CLEC4M: variants seen among roughly 807,000 people sequenced by gnomAD.
The protein encoded by CLEC4M is C-type lectin domain family 4 member M.
Under a neutral mutation model 39.1 loss-of-function variants are expected in CLEC4M, and 25 were observed. The ratio of observed to expected loss-of-function variants is 0.64; its 90% confidence interval spans 0.47 to 0.89. The LOEUF (loss-of-function observed/expected upper bound fraction) is 0.89. Among genes scored for constraint, CLEC4M ranks in the 40% least tolerant of loss-of-function variants. The pLI is 0.00. For synonymous variants in CLEC4M, 155 were observed against 177.4 expected, an observed-to-expected ratio of 0.87 and a Z score of 1.00; for missense variants, 353 against 431.4, an observed-to-expected ratio of 0.82 and a Z score of 1.61.
Position 7,765,665 on chromosome 19 carries a change from A to G in CLEC4M, c.242A>G (p.Gln81Arg), listed in dbSNP as rs186240708. The change falls in exon 4 of 7, where the codon CAG becomes CGG. Residue 81 changes from glutamine (Q) to arginine (R), a missense_variant. By Grantham distance (43) the Gln-to-Arg change is conservative. Around this residue, in one of 4 missense-constraint regions of CLEC4M, gnomAD observed 48 missense variants for 64.8 expected, o/e 0.74. Transcript: ENST00000327325. ...QVSKVPSSLS[Q>R]EQSEQDAIYQ... ...TCCAAGGTCCCCAGCTCCCTAAGTC[A>G]GGAACAATCCGAGCAAGACGCAATC... 3.3e-5 allele frequency: 53 copies of G among 1,614,270 alleles called. No individual in the cohort carries two copies. Among genetic ancestry groups the G allele is most frequent in the Non-Finnish European group, 4.5e-5 (53 of 1,180,058 alleles).
Position 7,769,089 on chromosome 19 carries a change from CCT to C in CLEC4M, c.*102_*103del. 8.0e-7 allele frequency: 1 copy of C among 1,244,438 alleles called. No individual in the cohort carries two copies. The highest frequency in any genetic ancestry group is 1.1e-6 in the Non-Finnish European group (1 of 886,512). 77.1% of individuals were successfully genotyped at this position (1,244,438 alleles called of 1,614,324 possible). Reference sequence around the variant, plus strand: ...TCCATCCTTGGACCTTCACAAATGCCCTGAGACGGTTCTCTGTTCGATTTTTC... The same window carrying C: ...TCCATCCTTGGACCTTCACAAATGCCGAGACGGTTCTCTGTTCGATTTTTC... On this transcript the variant is annotated 3_prime_UTR_variant, in exon 7 of 7. Transcript: ENST00000327325.
intron 2 of CLEC4M, 112 bp downstream of exon 2, chr19:7,763,588 G>A (rs1273785976): frequency 8.1e-6 from 7 of 859,816 alleles, no homozygotes; most frequent in South Asian, 3.3e-5. Context: ...AGGAAGGTCT[G>A]AGACCTGGGT....
At chr19:7,768,767 A>G (rs141958280) in intron 6 of CLEC4M, 71 bp from the exon 7 acceptor site, 4 of 1,548,220 alleles carry the variant, frequency 2.6e-6, no homozygotes, top group Non-Finnish European at 3.5e-6. Flanking sequence ...AAGCATCAAT[A>G]TTACAGAAGG....
rs35064548 is a variant in CLEC4M at position 7,763,429 on chromosome 19, C to G, written c.83C>G (p.Pro28Arg). 2.4e-4 allele frequency: 393 copies of G among 1,614,064 alleles called. No individual in the cohort carries two copies. The African/African-American group carries it at 4.7e-3, about 19-fold the overall frequency. ...ACAACCAGTGGCATCAGACTTTTTC[C>G]AAGAGACTTTCAATTCCAGCAGATA... The part of the protein sequence containing the change: ...DPTTSGIRLF[P>R]RDFQFQQIHG... The change falls in exon 2 of 7, where the codon CCA becomes CGA. Residue 28 changes from proline to arginine, a missense_variant. Pro to Arg is a moderately radical substitution (Grantham distance 103). This residue lies in a region of CLEC4M where 91 missense variants were observed against 77.8 expected (regional missense o/e 1.17). Transcript: ENST00000327325.
Position 7,766,204 on chromosome 19 carries a change from T to C in CLEC4M, c.781T>C (p.Phe261Leu), listed in dbSNP as rs1461613477. 2 of 1,614,122 alleles carry C rather than the reference T, an allele frequency of 1.2e-6. No homozygotes were observed. The highest frequency in any genetic ancestry group is 3.3e-5 in the Admixed American group (2 of 60,020). The stretch of plus-strand genomic sequence containing the variant: ...AGAACTGACCGATTTGAAGACTGCA[T>C]TTGGTGAGTTCCTGCACATCAAGGG... ...YQELTDLKTA[F>L]ERLCRHCPKD... The change falls in exon 4 of 7, where the codon TTT becomes CTT. Residue 261 changes from phenylalanine to leucine, a missense_variant. Coordinates refer to ENST00000327325, the MANE Select transcript of CLEC4M (RefSeq NM_014257.5).
chr19:7,766,864 G>A (rs1238313223), intron 5 of CLEC4M, 57 bp downstream of exon 5: 10 of 1,611,812 alleles, frequency 6.2e-6, no homozygotes, highest in Non-Finnish European at 5.9e-6. Context: ...GCCAACTGGG[G>A]AGGAGGTGCT....
rs750191741 is a variant in CLEC4M at position 7,765,398 on chromosome 19, G to A, written c.214+130G>A. The A allele has an allele frequency of 3.4e-6, 4 of 1,179,540 alleles. No homozygotes were observed. In the East Asian group the frequency reaches 7.3e-5, roughly 21 times the overall value. The allele number at this position is 1,179,540 out of a possible 1,614,324, so 73.1% of individuals were successfully genotyped here. On this transcript the variant is annotated intron_variant, in intron 3 of 6. Transcript: ENST00000327325. ...AGATGTTGTCCCTGGGGGTCTGTAG[G>A]GGCCTCTCCCACAGCCCCTCCCCAC... is the stretch of plus-strand genomic sequence containing the variant.
In CLEC4M at chr19:7,763,378, T is replaced by C. The variant is rs1197169003; in HGVS notation, c.47-15T>C. The C allele has an allele frequency of 7.4e-6, 12 of 1,613,570 alleles. No homozygotes were observed. The highest frequency in any genetic ancestry group is 6.7e-5 in the Admixed American group (4 of 59,960). ...AGGGATGGCCCAGGCTCTGAGCTGA[T>C]GTCTGTCAATTCAGAAGAAGATCCA... On this transcript the variant is annotated splice_polypyrimidine_tract_variant and intron_variant, in intron 1 of 6. Coordinates refer to ENST00000327325, the MANE Select transcript of CLEC4M (RefSeq NM_014257.5).
rs768446774 is a variant in CLEC4M, at chr19:7,766,124, T to C, written c.701T>C (p.Leu234Pro). ...LQEIYQELTQLKAAVGELPDQ... is the reference protein window; with the variant it reads ...LQEIYQELTQPKAAVGELPDQ... ...GAGATCTACCAGGAGCTGACCCAGC[T>C]GAAGGCTGCAGTGGGTGAGTTGCCA... The change falls in exon 4 of 7, where the codon CTG (leucine) becomes CCG (proline). Residue 234 changes from leucine (L) to proline (P), a missense_variant. Leu to Pro is a moderately conservative substitution (Grantham distance 98, BLOSUM62 -3). Coordinates refer to ENST00000327325, the MANE Select transcript of CLEC4M (RefSeq NM_014257.5). 1 of 1,613,820 alleles carries C rather than the reference T, an allele frequency of 6.2e-7. No individual in the cohort carries two copies. The highest frequency in any genetic ancestry group is 2.2e-5 in the East Asian group (1 of 44,900).
chr19:7,763,575 G>A (rs2090499356), intron 2 of CLEC4M, 99 bp downstream of exon 2: 4 of 1,022,948 alleles, frequency 3.9e-6, no homozygotes, highest in Admixed American at 4.5e-5. Flanking sequence ...TGGGTTCTGG[G>A]GAAGGAAGGT....
At chr19:7,765,406 C>T in intron 3 of CLEC4M, 138 bp downstream of exon 3, 2 of 1,133,380 alleles carry the variant, frequency 1.8e-6, no homozygotes, top group Non-Finnish European at 2.5e-6. Context: ...AGGGGCCTCT[C>T]CCACAGCCCC....
chr19:7,764,798 C>T (rs940771543), intron 2 of CLEC4M, among the ~76,000 whole-genome samples: 3 of 152,142 alleles, frequency 2.0e-5, no homozygotes, highest in African/African-American at 7.2e-5. Context: ...GCCAAAAAGG[C>T]AGTTAATTTT....
At chr19:7,765,497 T>A (rs1013822695) in intron 3 of CLEC4M, 141 bp from the exon 4 acceptor site, 24 of 1,394,710 alleles carry the variant, frequency 1.7e-5, no homozygotes, top group Non-Finnish European at 2.2e-5. Flanking sequence ...TGCTGCCTTC[T>A]CCAGGTGTCA....
At chr19:7,764,957 G>A (rs1292498229) in intron 2 of CLEC4M, among the ~76,000 whole-genome samples, 2 of 152,126 alleles carry the variant, frequency 1.3e-5, no homozygotes, top group African/African-American at 4.8e-5. Context: ...GACCTGGGGA[G>A]GTGGGGGTTG....
In CLEC4M at chr19:7,766,747, C is replaced by T. The variant is rs558337989; in HGVS notation, c.876C>T (p.Ser292=). 26 of 1,614,214 alleles carry T rather than the reference C, an allele frequency of 1.6e-5. No individual in the cohort carries two copies. The highest frequency in any genetic ancestry group is 1.6e-4 in the Middle Eastern group (1 of 6,062). Residue 292 remains serine, a synonymous_variant, in exon 5 of 7, where the codon TCC becomes TCT. Coordinates refer to ENST00000327325, the MANE Select transcript of CLEC4M (RefSeq NM_014257.5). ...ACTCCCAGCGGAACTGGCACGACTCCGTCACCGCCTGCCAGGAAGTGAGGG... is the reference window on the plus strand; with the variant it reads ...ACTCCCAGCGGAACTGGCACGACTCTGTCACCGCCTGCCAGGAAGTGAGGG... ...MSNSQRNWHD[S]VTACQEVRAQ...
Position 7,766,775 on chromosome 19 carries a change from C to G in CLEC4M, c.904C>G (p.Gln302Glu). The G allele has an allele frequency of 3.1e-6, 5 of 1,614,194 alleles. No homozygotes were observed. The highest frequency in any genetic ancestry group is 4.2e-6 in the Non-Finnish European group (5 of 1,180,036). ...CACCGCCTGCCAGGAAGTGAGGGCC[C>G]AGCTCGTCGTAATCAAAACTGCTGA... ...SVTACQEVRA[Q>E]LVVIKTAEEQ... Residue 302 changes from glutamine to glutamate, a missense_variant, in exon 5 of 7, where the codon CAG becomes GAG. Gln to Glu is a conservative substitution (Grantham distance 29). Coordinates refer to ENST00000327325, the MANE Select transcript of CLEC4M (RefSeq NM_014257.5).
Position 7,766,224 on chromosome 19 carries a change from C to T in CLEC4M, c.784+17C>T, listed in dbSNP as rs372432711. On this transcript the variant is annotated intron_variant, in intron 4 of 6. Transcript: ENST00000327325. ...CTGCATTTGGTGAGTTCCTGCACAT[C>T]AAGGGTCCTTGGGCCTGAGATGGTC... 11 of 1,613,406 alleles carry T rather than the reference C, an allele frequency of 6.8e-6. No individual in the cohort carries two copies. The highest frequency in any genetic ancestry group is 8.5e-6 in the Non-Finnish European group (10 of 1,179,604).
rs986333024 is a variant in CLEC4M, at chr19:7,769,050, C to G, written c.*62C>G. ...AGCAGAACTTCACCCACTTGTAAGC[C>G]AGCGCTTCTTCTCTCCATCCTTGGA... On this transcript the variant is annotated 3_prime_UTR_variant, in exon 7 of 7. Transcript: ENST00000327325. 1.2e-5 allele frequency: 19 copies of G among 1,548,208 alleles called. No individual in the cohort carries two copies. The highest frequency in any genetic ancestry group is 1.7e-5 in the Admixed American group (1 of 57,834).
intron 4 of CLEC4M, 53 bp from the exon 5 acceptor site, chr19:7,766,602 TG>T: frequency 6.2e-7 from 1 of 1,609,208 alleles, no homozygotes; most frequent in South Asian, 1.1e-5. Flanking sequence ...TGGGCAGATA[TG>T]GGAATATGGA....
Sources: allele counts gnomAD v4.1 joint callset (sites outside exome capture counted in the v4.1 genomes callset), GRCh38; gene constraint gnomAD v4.1.1; regional missense constraint gnomAD v4.1.1; transcripts MANE v1.5; gene names NCBI Gene and HGNC (gene_info 2026-07-23, HGNC 2026-07-21).